TET3: variants seen among roughly 807,000 people sequenced by gnomAD.
TET3 encodes tet methylcytosine dioxygenase 3.
TET3 carries 19 observed loss-of-function variants against 141.4 expected under a neutral mutation model. The ratio of observed to expected loss-of-function variants is 0.13; its 90% CI spans 0.09 to 0.20. The LOEUF is 0.20. Among genes scored for constraint, TET3 ranks in the 10% least tolerant of loss-of-function variants. The pLI is 1.00. For synonymous variants in TET3, 1,043 were observed against 980.9 expected, an observed-to-expected ratio of 1.06 and a Z score of -1.18; for missense variants, 1,874 against 2,356.9, an observed-to-expected ratio of 0.80 and a Z score of 4.24.
intron 4 of TET3, among the ~76,000 whole-genome samples, chr2:74,068,067 C>T (rs1052021829): frequency 6.6e-6 from 1 of 152,152 alleles, no homozygotes; most frequent in South Asian, 2.1e-4. Context: ...AGAGCCTGAC[C>T]CAGGACAGTA....
chr2:74,019,807 G>T (rs142728872), intron 3 of TET3, among the ~76,000 whole-genome samples: 8 of 152,226 alleles, frequency 5.3e-5, no homozygotes, highest in Non-Finnish European at 1.0e-4. Flanking sequence ...ATTTTTCCAC[G>T]TGCAGACATC....
intron 3 of TET3, among the ~76,000 whole-genome samples, chr2:74,004,204 C>CTCTAGGCTGA (rs1685028808): frequency 6.6e-6 from 1 of 152,126 alleles, no homozygotes; most frequent in Non-Finnish European, 1.5e-5. Context: ...CTGCCTCAGC[C>CTCTAGGCTGA]CACCTGCCCC....
At chr2:74,126,229 C>A in the TET3 span, among the ~76,000 whole-genome samples, 1 of 152,134 alleles carries the variant, frequency 6.6e-6, no homozygotes, top group Non-Finnish European at 1.5e-5. Context: ...TGATCTCTAC[C>A]AGATTGACAC....
At chr2:74,050,647 T>G (rs1687896080) in intron 4 of TET3, among the ~76,000 whole-genome samples, 2 of 152,106 alleles carry the variant, frequency 1.3e-5, no homozygotes, top group South Asian at 4.1e-4. Flanking sequence ...CTTCCTGGGC[T>G]CAAGCAATCC....
At chr2:73,985,449 C>A (rs1469543840) in intron 1 of TET3, among the ~76,000 whole-genome samples, 2 of 144,338 alleles carry the variant, frequency 1.4e-5, no homozygotes, top group African/African-American at 2.5e-5. Context: ...CGAGCGCGCC[C>A]CCCTCCCCGC....
chr2:74,124,060 C>A, the TET3 span, among the ~76,000 whole-genome samples: 1 of 151,768 alleles, frequency 6.6e-6, no homozygotes, highest in Non-Finnish European at 1.5e-5. Flanking sequence ...CCCCTCCGCC[C>A]GGCAGCCGCC....
At chr2:74,078,542 A>G (rs987280496) in intron 5 of TET3, among the ~76,000 whole-genome samples, 2 of 152,140 alleles carry the variant, frequency 1.3e-5, no homozygotes, top group African/African-American at 2.4e-5. Context: ...GAAATTTATT[A>G]TAATGTATTT....
chr2:74,115,950 G>A, the TET3 span, among the ~76,000 whole-genome samples: 9 of 151,140 alleles, frequency 6.0e-5, no homozygotes, highest in Admixed American at 4.6e-4. Flanking sequence ...TGGAGGACAC[G>A]GCTACAGTGA....
At chr2:74,034,764 C>A (rs1265946111) in intron 3 of TET3, among the ~76,000 whole-genome samples, 1 of 152,024 alleles carries the variant, frequency 6.6e-6, no homozygotes, top group African/African-American at 2.4e-5. Flanking sequence ...TCTCCTGATG[C>A]ATGTGTACAA....
chr2:74,056,634 G>A (rs1347074148), intron 4 of TET3, among the ~76,000 whole-genome samples: 2 of 152,114 alleles, frequency 1.3e-5, no homozygotes, highest in African/African-American at 2.4e-5. Flanking sequence ...ATTTCCCAGC[G>A]ATGCCACTTT....
chr2:74,069,122 C>G lies in TET3; in HGVS notation c.2495-4427C>G, dbSNP rs184264120. On this transcript the variant is annotated intron_variant, in intron 4 of 11. Coordinates refer to ENST00000409262, the MANE Select transcript of TET3 (RefSeq NM_001287491.2). The stretch of plus-strand genomic sequence containing the variant: ...TATTTTTTAAAACTTCCATTTTTTT[C>G]CTTCTAGCACGTGTATAGTTTAATT... Among the ~76,000 whole-genome samples, 27 of 150,624 alleles carry G rather than the reference C, an allele frequency of 1.8e-4. No individual in the cohort carries two copies. In the East Asian group the frequency reaches 5.0e-3, roughly 28 times the overall value.
intron 4 of TET3, among the ~76,000 whole-genome samples, chr2:74,061,329 G>A (rs1243156358): frequency 1.5e-5 from 2 of 129,788 alleles, no homozygotes; most frequent in East Asian, 2.4e-4. Flanking sequence ...GGGCAGAGGC[G>A]CCCCTCACCT....
At chr2:74,134,535 C>T in the TET3 span, 1 of 366,178 alleles carries the variant, frequency 2.7e-6, no homozygotes, top group South Asian at 2.0e-5. Flanking sequence ...CCAATAGTGA[C>T]CCCTAACTTC....
Position 73,986,261 on chromosome 2 carries a change from T to TC in TET3, c.-141dup. 2 of 652,064 alleles carry TC rather than the reference T, an allele frequency of 3.1e-6. No homozygotes were observed. The highest frequency in any genetic ancestry group is 4.4e-6 in the Non-Finnish European group (2 of 459,052). The allele number at this position is 652,064 out of a possible 1,614,324, so 40.4% of individuals were successfully genotyped here. Reference sequence around the variant, plus strand: ...AAGAGGGGTTGAGAAGAGGCATCCATCCACGAGACTGAAGCCACTTGCCTT... The same window carrying TC: ...AAGAGGGGTTGAGAAGAGGCATCCATCCCACGAGACTGAAGCCACTTGCCTT... On this transcript the variant is annotated 5_prime_UTR_variant, in exon 2 of 12. Coordinates refer to ENST00000409262, the MANE Select transcript of TET3 (RefSeq NM_001287491.2).
intron 2 of TET3, among the ~76,000 whole-genome samples, chr2:73,996,672 T>A (rs1684608592): frequency 6.6e-6 from 1 of 152,158 alleles, no homozygotes; most frequent in Non-Finnish European, 1.5e-5. Context: ...CACACCTGAA[T>A]AATTTTTGTA....
chr2:74,095,499 A>T (rs1690773031), intron 10 of TET3, among the ~76,000 whole-genome samples: 1 of 152,262 alleles, frequency 6.6e-6, no homozygotes, highest in Non-Finnish European at 1.5e-5. Context: ...TTTTTTAAAA[A>T]TTTAAATAAT....
intron 3 of TET3, among the ~76,000 whole-genome samples, chr2:74,014,901 A>G (rs1376837433): frequency 6.6e-6 from 1 of 152,208 alleles, no homozygotes; most frequent in African/African-American, 2.4e-5. Flanking sequence ...GTGCCAGGAA[A>G]AATGTGGTGG....
chr2:74,084,335 C>T (rs1274784905), intron 6 of TET3, among the ~76,000 whole-genome samples: 1 of 152,148 alleles, frequency 6.6e-6, no homozygotes, highest in South Asian at 2.1e-4. Context: ...TAAATTCAGA[C>T]GCAGAAAGTA....
Position 74,102,026 on chromosome 2 carries a change from G to T in TET3, c.5238G>T (p.Trp1746Cys), listed in dbSNP as rs373195805. Residue 1746 changes from tryptophan to cysteine, a missense_variant, in exon 12 of 12, where the codon TGG becomes TGT. Coordinates refer to ENST00000409262, the MANE Select transcript of TET3 (RefSeq NM_001287491.2). ...EAKLYGKKRK[W>C]GGTVVAEPQQ... ...AGCTCTACGGGAAGAAGCGCAAGTG[G>T]GGGGGCACTGTGGTTGCTGAGCCCC... is the stretch of plus-strand genomic sequence containing the variant. 7.7e-6 allele frequency: 12 copies of T among 1,567,522 alleles called. No individual in the cohort carries two copies. The Admixed American group carries it at 1.1e-4, about 15-fold the overall frequency.
Sources: allele counts gnomAD v4.1 joint callset (sites outside exome capture counted in the v4.1 genomes callset), GRCh38; gene constraint gnomAD v4.1.1; transcripts MANE v1.5; gene names NCBI Gene and HGNC (gene_info 2026-07-23, HGNC 2026-07-21).